The following NECAB1 variants were observed in gnomAD, a reference collection of about 807,000 sequenced individuals.
NECAB1 encodes N-terminal EF-hand calcium binding protein 1.
NECAB1 carries 29 observed loss-of-function variants against 57.5 expected under a neutral mutation model. That is an observed-to-expected ratio of 0.50 (90% CI 0.38 to 0.69). NECAB1 has a LOEUF of 0.69. Ranked by LOEUF, NECAB1 falls within the 30% of genes least tolerant of loss-of-function variation. NECAB1 has a pLI of 0.00. For synonymous variants in NECAB1, 142 were observed against 147.7 expected (o/e 0.96, Z 0.28); for missense variants, 372 against 413.8 (o/e 0.90, Z 0.88).
chr8:90,922,484 GGA>G (rs1810139040), intron 6 of NECAB1, among the ~76,000 whole-genome samples: 2 of 70,324 alleles, frequency 2.8e-5, no homozygotes, highest in African/African-American at 7.8e-5. Flanking sequence ...CCAAAAACTT[GGA>G]TTTTTTTTTT....
intron 3 of NECAB1, among the ~76,000 whole-genome samples, chr8:90,849,119 G>A (rs1048555736): frequency 2.6e-5 from 4 of 152,140 alleles, no homozygotes; most frequent in Non-Finnish European, 5.9e-5. Context: ...TGGGGACACA[G>A]CTAAACCATA....
chr8:90,909,047 T>C (rs1809763284), intron 5 of NECAB1, among the ~76,000 whole-genome samples: 1 of 152,164 alleles, frequency 6.6e-6, no homozygotes, highest in Non-Finnish European at 1.5e-5. Context: ...TTGCCAATCA[T>C]GGTACAAGTA....
chr8:90,848,806 G>A (rs1812619053), intron 3 of NECAB1, among the ~76,000 whole-genome samples: 1 of 152,110 alleles, frequency 6.6e-6, no homozygotes, highest in African/African-American at 2.4e-5. Context: ...CCAACATGGT[G>A]AAACCCTGTC....
chr8:90,899,696 T>A (rs904416421), intron 5 of NECAB1, among the ~76,000 whole-genome samples: 1 of 152,208 alleles, frequency 6.6e-6, no homozygotes, highest in Non-Finnish European at 1.5e-5. Flanking sequence ...TGTGTGATAT[T>A]GTACAGTACA....
chr8:90,886,926 A>G (rs1158874088), intron 5 of NECAB1, among the ~76,000 whole-genome samples: 1 of 152,132 alleles, frequency 6.6e-6, no homozygotes, highest in African/African-American at 2.4e-5. Context: ...TACCTCATAT[A>G]GGTTCAAAAC....
intron 4 of NECAB1, among the ~76,000 whole-genome samples, chr8:90,878,045 T>C (rs1001636929): frequency 6.6e-6 from 1 of 152,094 alleles, no homozygotes; most frequent in African/African-American, 2.4e-5. Flanking sequence ...TTTTTCTTTT[T>C]TTTTTTTCAA....
chr8:90,804,867 A>T (rs1050747843), intron 2 of NECAB1, among the ~76,000 whole-genome samples: 2 of 152,188 alleles, frequency 1.3e-5, no homozygotes, highest in Non-Finnish European at 2.9e-5. Flanking sequence ...GACCTCTACC[A>T]TGTCATGTGG....
intron 3 of NECAB1, among the ~76,000 whole-genome samples, chr8:90,853,206 G>A (rs1029479086): frequency 2.0e-5 from 3 of 152,232 alleles, no homozygotes; most frequent in African/African-American, 7.2e-5. Flanking sequence ...GTCTGAGTGA[G>A]TGGAGGTAAC....
intron 5 of NECAB1, among the ~76,000 whole-genome samples, chr8:90,892,057 G>T (rs1157844841): frequency 6.6e-6 from 1 of 152,112 alleles, no homozygotes; most frequent in African/African-American, 2.4e-5. Flanking sequence ...TAAAGGCCAA[G>T]AATTTTTGGT....
intron 2 of NECAB1, among the ~76,000 whole-genome samples, chr8:90,820,262 G>A (rs1812123484): frequency 8.2e-6 from 1 of 122,362 alleles, no homozygotes; most frequent in Non-Finnish European, 1.6e-5. Flanking sequence ...GTTGTTTTAA[G>A]GACAGAAATG....
At chr8:90,882,173 T>G (rs758587086) in intron 5 of NECAB1, among the ~76,000 whole-genome samples, 2 of 152,172 alleles carry the variant, frequency 1.3e-5, no homozygotes, top group African/African-American at 4.8e-5. Context: ...AAAAAGACCA[T>G]ACAAGAATTA....
intron 10 of NECAB1, among the ~76,000 whole-genome samples, chr8:90,943,620 A>T (rs1810727920): frequency 6.6e-6 from 1 of 152,184 alleles, no homozygotes; most frequent in Non-Finnish European, 1.5e-5. Context: ...TGGCTGAGAA[A>T]ATAAATCTCT....
chr8:90,881,081 T>A lies in NECAB1; in HGVS notation c.308T>A (p.Leu103His). Residue 103 changes from leucine (L) to histidine (H), a missense_variant, in exon 5 of 13, where the codon CTT becomes CAT. Transcript: ENST00000417640. Reference protein sequence around the residue: ...LGEYENVLAALEDLNLSILKA... With the variant: ...LGEYENVLAAHEDLNLSILKA... ...GAGTATGAGAATGTACTAGCAGCAC[T>A]TGAAGACCTGAATCTTTCCATCCTG... is the stretch of plus-strand genomic sequence containing the variant. 1 of 1,608,254 alleles carries A rather than the reference T, an allele frequency of 6.2e-7. No homozygotes were observed. The highest frequency in any genetic ancestry group is 8.5e-7 in the Non-Finnish European group (1 of 1,177,148).
chr8:90,875,674 T>C lies in NECAB1; in HGVS notation c.259+3521T>C, dbSNP rs935279788. On this transcript the variant is annotated intron_variant, in intron 4 of 12. Coordinates refer to ENST00000417640, the MANE Select transcript of NECAB1 (RefSeq NM_022351.5). ...GGGTGTTATCTACAAAATATTAAACTATTTTAAAAGTTATATGAAGTCTAT... is the reference window on the plus strand; with the variant it reads ...GGGTGTTATCTACAAAATATTAAACCATTTTAAAAGTTATATGAAGTCTAT... Among the ~76,000 whole-genome samples the C allele has an allele frequency of 2.0e-5, 3 of 151,164 alleles. No individual in the cohort carries two copies. The East Asian group carries it at 5.9e-4, about 30-fold the overall frequency.
chr8:90,883,936 A>G (rs1461585409), intron 5 of NECAB1, among the ~76,000 whole-genome samples: 1 of 152,220 alleles, frequency 6.6e-6, no homozygotes, highest in Non-Finnish European at 1.5e-5. Flanking sequence ...CAAATGTAGA[A>G]TTCTGATGCT....
intron 3 of NECAB1, among the ~76,000 whole-genome samples, chr8:90,869,678 A>AC (rs1398413279): frequency 1.3e-5 from 2 of 152,034 alleles, no homozygotes; most frequent in African/African-American, 2.4e-5. Flanking sequence ...CAGTGCCTGT[A>AC]CCCCCATTGT....
intron 4 of NECAB1, among the ~76,000 whole-genome samples, chr8:90,878,773 A>G (rs1385698131): frequency 6.6e-6 from 1 of 151,884 alleles, no homozygotes; most frequent in African/African-American, 2.4e-5. Context: ...TATATGCTTT[A>G]TCAGCATATG....
At chr8:90,839,210 C>T (rs1365918571) in intron 3 of NECAB1, among the ~76,000 whole-genome samples, 4 of 152,070 alleles carry the variant, frequency 2.6e-5, no homozygotes, top group Non-Finnish European at 5.9e-5. Flanking sequence ...GAAGAGGCTA[C>T]CACAAAAGGC....
intron 2 of NECAB1, among the ~76,000 whole-genome samples, chr8:90,817,754 A>G (rs1179285687): frequency 7.9e-5 from 12 of 151,676 alleles, no homozygotes; most frequent in African/African-American, 2.7e-4. Flanking sequence ...CATTAGCTAT[A>G]TTGCTCTGTT....
Sources: allele counts gnomAD v4.1 joint callset (sites outside exome capture counted in the v4.1 genomes callset), GRCh38; gene constraint gnomAD v4.1.1; transcripts MANE v1.5; gene names NCBI Gene and HGNC (gene_info 2026-07-23, HGNC 2026-07-21).